The following SETD9 variants were observed in gnomAD, a reference collection of about 807,000 sequenced individuals.
SETD9 encodes SET domain containing 9, also known as SET domain-containing protein 9.
Under a neutral mutation model 36.4 loss-of-function variants are expected in SETD9, and 37 were observed. The ratio of observed to expected loss-of-function variants is 1.02; its 90% CI spans 0.78 to 1.34. The LOEUF (loss-of-function observed/expected upper bound fraction) is 1.34. Ranked by LOEUF, SETD9 falls within the 40% of genes most tolerant of loss-of-function variation. The pLI is 0.00. For missense variants in SETD9, 323 were observed against 353.2 expected (o/e 0.91, Z 0.69); for synonymous variants, 128 against 132.9 (o/e 0.96, Z 0.26).
At chr5:56,923,471 A>C in intron 5 of SETD9, 2 of 1,614,196 alleles carry the variant, frequency 1.2e-6, no homozygotes, top group East Asian at 2.2e-5. Context: ...CTCTTCTGTT[A>C]CAACAGGCAC....
In SETD9 at chr5:56,916,810, T is replaced by C; in HGVS notation, c.813-5T>C. On this transcript the variant is annotated splice_polypyrimidine_tract_variant and splice_region_variant and intron_variant, in intron 5 of 5. Transcript: ENST00000285947. ...TCTACCTTTTGTATATCTTTTTGTT[T>C]TCAGCCCACTTCGATGTGTTGTTCT... 6.3e-7 allele frequency: 1 copy of C among 1,599,966 alleles called. No homozygotes were observed. The highest frequency in any genetic ancestry group is 1.2e-5 in the South Asian group (1 of 86,236).
At chr5:56,924,064 TA>T in intron 5 of SETD9, 4 of 1,591,134 alleles carry the variant, frequency 2.5e-6, no homozygotes. Flanking sequence ...GTTGAATTTT[TA>T]AAAAACCAAC....
chr5:56,918,171 G>A (rs1210933869), downstream of SETD9, among the ~76,000 whole-genome samples: 1 of 152,080 alleles, frequency 6.6e-6, no homozygotes, highest in East Asian at 1.9e-4. Flanking sequence ...GACCTCAAGA[G>A]CTCCTCTCCT....
downstream of SETD9, among the ~76,000 whole-genome samples, chr5:56,918,236 A>G (rs1232920055): frequency 6.6e-6 from 1 of 151,856 alleles, no homozygotes; most frequent in Non-Finnish European, 1.5e-5. Context: ...CCACTCCCCA[A>G]ACCTGCCAGG....
At chr5:56,928,787 G>T, downstream of SETD9, 1 of 1,612,916 alleles carries the variant, frequency 6.2e-7, no homozygotes, top group South Asian at 1.1e-5. Context: ...TGTATAAGAT[G>T]AAAATCTTTT....
downstream of SETD9, chr5:56,920,335 T>TAGAAG (rs1272865793): frequency 6.6e-6 from 1 of 152,572 alleles, no homozygotes; most frequent in Non-Finnish European, 1.5e-5. Flanking sequence ...GTTACACTTC[T>TAGAAG]AAATGAATCC....
chr5:56,913,434 A>T (rs1002694637), intron 3 of SETD9, among the ~76,000 whole-genome samples: 1 of 147,962 alleles, frequency 6.8e-6, no homozygotes, highest in Non-Finnish European at 1.5e-5. Flanking sequence ...CCCAGGCTGG[A>T]GTGCAACAGT....
intron 5 of SETD9, 100 bp from the exon 6 acceptor site, chr5:56,916,715 C>A (rs1749445430): frequency 1.6e-6 from 2 of 1,224,044 alleles, no homozygotes; most frequent in East Asian, 2.6e-5. Context: ...ATGGAAGGAA[C>A]CTGAGTAAAG....
chr5:56,909,531 G>A, upstream of SETD9: 2 of 717,230 alleles, frequency 2.8e-6, no homozygotes, highest in Non-Finnish European at 2.2e-6. Context: ...AACACTGAGA[G>A]CGGAGCCAGG....
exon 6 of SETD9, chr5:56,925,378 A>T (rs1291767294): frequency 2.2e-6 from 1 of 452,780 alleles, no homozygotes; most frequent in Non-Finnish European, 4.4e-6. Context: ...TCAACAAAAA[A>T]TCGCCTGTAA....
At position 56,911,381 on chromosome 5, in the gene SETD9, A is replaced by G. The variant is rs773738318; in HGVS notation, c.311A>G (p.His104Arg). The G allele has an allele frequency of 4.3e-6, 7 of 1,613,500 alleles. No homozygotes were observed. The highest frequency in any genetic ancestry group is 2.2e-5 in the South Asian group (2 of 90,938). The change falls in exon 2 of 6, where the codon CAT (histidine) becomes CGT (arginine). Residue 104 changes from histidine (H) to arginine (R), a missense_variant. By Grantham distance (29) the His-to-Arg change is conservative. Coordinates refer to ENST00000285947, the MANE Select transcript of SETD9 (RefSeq NM_153706.4). ...HQGVKLLENR[H>R]QQQSTFKPEE... Reference sequence around the variant, plus strand: ...GGGGTGAAACTGCTTGAAAACAGACATCAACAGCAAAGTACCTTTAAACCA... The same window carrying G: ...GGGGTGAAACTGCTTGAAAACAGACGTCAACAGCAAAGTACCTTTAAACCA...
chr5:56,910,247 C>T, intron 1 of SETD9: 1 of 1,299,678 alleles, frequency 7.7e-7, no homozygotes, highest in South Asian at 1.2e-5. Context: ...AAAAGCCAAG[C>T]CAGGGTTTAT....
At chr5:56,925,239 A>G (rs939781967) in intron 5 of SETD9, 8 of 383,220 alleles carry the variant, frequency 2.1e-5, no homozygotes, top group Non-Finnish European at 3.5e-5. Context: ...TTCAACATCA[A>G]TACTGGAAGG....
chr5:56,910,970 T>C (rs1425275059), intron 1 of SETD9, 199 bp from the exon 2 acceptor site: 2 of 457,478 alleles, frequency 4.4e-6, no homozygotes, highest in East Asian at 7.4e-5. Flanking sequence ...TCATAAGTAC[T>C]GACTACTTGG....
At chr5:56,913,205 T>G in intron 3 of SETD9, 71 bp downstream of exon 3, 1 of 1,504,376 alleles carries the variant, frequency 6.6e-7, no homozygotes, top group Non-Finnish European at 9.0e-7. Flanking sequence ...TTATGACTAA[T>G]AGCATTTGTA....
rs1420531065 is a variant in SETD9 at position 56,910,421 on chromosome 5, C to T, written c.98+678C>T. 6 of 1,302,018 alleles carry T rather than the reference C, an allele frequency of 4.6e-6. No homozygotes were observed. The East Asian group carries it at 2.2e-4, about 48-fold the overall frequency. 80.7% of individuals were successfully genotyped at this position (1,302,018 alleles called of 1,614,324 possible). ...TGAGTCCCGCCGGCGTTATTAAGGG[C>T]GCACCAGTGATCAGCTCAACACCGT... On this transcript the variant is annotated intron_variant, in intron 1 of 5. Transcript: ENST00000285947.
chr5:56,913,216 CTTTA>C (rs72145037), intron 3 of SETD9, 82 bp downstream of exon 3: 139,070 of 1,455,446 alleles, frequency 0.096, 9,301 homozygotes, highest in East Asian at 0.33. Context: ...AGCATTTGTA[CTTTA>C]TTTATTTTTT....
At chr5:56,922,860 G>C (rs988568076) in intron 5 of SETD9, 16 of 430,824 alleles carry the variant, frequency 3.7e-5, no homozygotes, top group Admixed American at 2.2e-4. Flanking sequence ...AAGAGGTATT[G>C]GGAGATGAGG....
At position 56,911,112 on chromosome 5, in the gene SETD9, G is replaced by GT. The variant is rs1026915933; in HGVS notation, c.99-56dup. ...GGCCAGGAACCCAGAAGTTATGCAG[G>GT]TAAGTTTGGCTTTTATCAGTTGAAG... On this transcript the variant is annotated intron_variant, in intron 1 of 5. Coordinates refer to ENST00000285947, the MANE Select transcript of SETD9 (RefSeq NM_153706.4). 8 of 1,492,672 alleles carry GT rather than the reference G, an allele frequency of 5.4e-6. No individual in the cohort carries two copies. In the Admixed American group the frequency reaches 2.0e-4, roughly 37 times the overall value. 92.5% of individuals were successfully genotyped at this position (1,492,672 alleles called of 1,614,324 possible). A position where few individuals can be genotyped will look rare whatever the true frequency, so the allele number is the denominator to read the frequency against.
Sources: allele counts gnomAD v4.1 joint callset (sites outside exome capture counted in the v4.1 genomes callset), GRCh38; gene constraint gnomAD v4.1.1; transcripts MANE v1.5; gene names NCBI Gene and HGNC (gene_info 2026-07-23, HGNC 2026-07-21).